The following CNTNAP3 variants were observed in gnomAD, a reference collection of about 807,000 sequenced individuals.
CNTNAP3 encodes the protein contactin associated protein family member 3, also known as contactin-associated protein-like 3.
CNTNAP3 carries 36 observed loss-of-function variants against 92.1 expected under a neutral mutation model. The ratio of observed to expected loss-of-function variants is 0.39; its 90% CI spans 0.30 to 0.52. The LOEUF (loss-of-function observed/expected upper bound fraction) is 0.52. Among genes scored for constraint, CNTNAP3 ranks in the 20% least tolerant of loss-of-function variants. CNTNAP3 has a pLI of 0.76. For synonymous variants in CNTNAP3, 232 were observed against 422.3 expected (o/e 0.55, Z 5.53); for missense variants, 534 against 1,069.6 (o/e 0.50, Z 6.98).
intron 13 of CNTNAP3, among the ~76,000 whole-genome samples, chr9:39,132,559 C>A (rs1821318333): frequency 6.6e-6 from 1 of 152,034 alleles, no homozygotes; most frequent in African/African-American, 2.4e-5. Context: ...AGACTTTGAC[C>A]AGAGTAAGGT....
chr9:39,128,412 T>A (rs1821199694), intron 13 of CNTNAP3, among the ~76,000 whole-genome samples: 1 of 150,850 alleles, frequency 6.6e-6, no homozygotes, highest in Non-Finnish European at 1.5e-5. Flanking sequence ...AAAATGGGAG[T>A]TGCTCTAGTT....
At position 39,272,822 on chromosome 9, in the gene CNTNAP3, T is replaced by C. The variant is rs1267763258; in HGVS notation, c.86-5816A>G. Among the ~76,000 whole-genome samples, 14 of 31,510 alleles carry C rather than the reference T, an allele frequency of 4.4e-4. 7 individuals carry two copies. The highest frequency in any genetic ancestry group is 1.4e-3 in the Non-Finnish European group (14 of 10,298). The allele number at this position is 31,510 out of a possible 152,430, so 20.7% of individuals were successfully genotyped here. A position where few individuals can be genotyped will look rare whatever the true frequency, so the allele number is the denominator to read the frequency against. On this transcript the variant is annotated intron_variant, in intron 1 of 23. Coordinates refer to ENST00000297668, the MANE Select transcript of CNTNAP3 (RefSeq NM_033655.5). ...GTGACTATAGTCAATAATTACTTAA[T>C]TGTACATTTTTAAATAACTTAAAGA...
At chr9:39,141,292 C>T (rs894382785) in intron 11 of CNTNAP3, among the ~76,000 whole-genome samples, 1 of 152,124 alleles carries the variant, frequency 6.6e-6, no homozygotes, top group Non-Finnish European at 1.5e-5. Flanking sequence ...GGTATTTTCC[C>T]ATAAGCATTC....
At chr9:39,079,066 G>T (rs1470066711) in intron 21 of CNTNAP3, 146 bp from the exon 22 acceptor site, 28 of 1,158,900 alleles carry the variant, frequency 2.4e-5, no homozygotes, top group Non-Finnish European at 3.4e-5. Context: ...TCCAGGAGAG[G>T]TCACCGTGAA....
chr9:39,104,326 A>G (rs887819191), intron 15 of CNTNAP3, among the ~76,000 whole-genome samples: 2 of 152,112 alleles, frequency 1.3e-5, no homozygotes, highest in African/African-American at 4.8e-5. Context: ...AAATAATTCT[A>G]AAGAGGCAGG....
chr9:39,142,671 C>CA (rs560924846), intron 11 of CNTNAP3, among the ~76,000 whole-genome samples: 4,674 of 102,540 alleles, frequency 0.046, 122 homozygotes, highest in African/African-American at 0.092. Flanking sequence ...GACTCCGTCT[C>CA]AAAAAAAAAA....
At position 39,132,957 on chromosome 9, in the gene CNTNAP3, C is replaced by T. The variant is rs767217792; in HGVS notation, c.2055G>A (p.Gly685=). Reference sequence around the variant, plus strand: ...CTCGTGAGTCCGGGCGCCGCGCCGTCCCGCAGCGCAGAGCCAGCCGCTGCT... The same window carrying T: ...CTCGTGAGTCCGGGCGCCGCGCCGTTCCGCAGCGCAGAGCCAGCCGCTGCT... ...RCEQRLALRC[G]TARRPDSRDG... The change falls in exon 13 of 24, where the codon GGG becomes GGA. Residue 685 remains glycine (G), a synonymous_variant. Transcript: ENST00000297668. 1.9e-5 allele frequency: 30 copies of T among 1,547,756 alleles called. No individual in the cohort carries two copies. The highest frequency in any genetic ancestry group is 7.0e-5 in the South Asian group (6 of 85,500).
chr9:39,116,148 T>C (rs1820854355), intron 14 of CNTNAP3, among the ~76,000 whole-genome samples: 1 of 150,288 alleles, frequency 6.7e-6, no homozygotes, highest in Non-Finnish European at 1.5e-5. Flanking sequence ...AGAGACTCTG[T>C]CTCAAAACAA....
intron 13 of CNTNAP3, among the ~76,000 whole-genome samples, chr9:39,130,467 T>G (rs1821253943): frequency 6.6e-6 from 1 of 150,986 alleles, no homozygotes; most frequent in South Asian, 2.1e-4. Flanking sequence ...AACATACTAG[T>G]GGTTATTAAC....
rs975045146 is a variant in CNTNAP3, at chr9:39,144,450, A to G, written c.1650-104T>C. 5.4e-6 allele frequency: 8 copies of G among 1,480,612 alleles called. No homozygotes were observed. The African/African-American group carries it at 1.1e-4, about 21-fold the overall frequency. 91.7% of individuals were successfully genotyped at this position (1,480,612 alleles called of 1,614,324 possible). A position where few individuals can be genotyped will look rare whatever the true frequency, so the allele number is the denominator to read the frequency against. On this transcript the variant is annotated intron_variant, in intron 10 of 23. Transcript: ENST00000297668. Reference sequence around the variant, plus strand: ...CAAAAACAGGTTAATGTGAAAGAGCAGCATATGCAAGATAACCCCACATGA... The same window carrying G: ...CAAAAACAGGTTAATGTGAAAGAGCGGCATATGCAAGATAACCCCACATGA...
chr9:39,067,090 A>G lies in CNTNAP3; in HGVS notation c.*6800T>C, dbSNP rs1465086088. Among the ~76,000 whole-genome samples, 2 of 152,288 alleles carry G rather than the reference A, an allele frequency of 1.3e-5. No individual in the cohort carries two copies. Among genetic ancestry groups the G allele is most frequent in the Non-Finnish European group, 2.9e-5 (2 of 68,052 alleles). On this transcript the variant is annotated 3_prime_UTR_variant, in exon 24 of 24. Transcript: ENST00000297668. ...TTTTGGATGCTTTCTACTGCTATAT[A>G]TATTCAAGTTTATTAATATTTTCTT...
chr9:39,114,029 C>T (rs1224684799), intron 14 of CNTNAP3, among the ~76,000 whole-genome samples: 41 of 133,704 alleles, frequency 3.1e-4, no homozygotes, highest in Admixed American at 1.0e-3. Flanking sequence ...TATATACACA[C>T]ATATATACAC....
chr9:39,076,412 A>G (rs1825765246), intron 23 of CNTNAP3, among the ~76,000 whole-genome samples: 1 of 152,306 alleles, frequency 6.6e-6, no homozygotes, highest in African/African-American at 2.4e-5. Flanking sequence ...CACCTTTTAG[A>G]TATGCATTAT....
intron 17 of CNTNAP3, among the ~76,000 whole-genome samples, chr9:39,100,895 A>G (rs1244354338): frequency 1.3e-5 from 2 of 150,142 alleles, no homozygotes; most frequent in Non-Finnish European, 3.0e-5. Context: ...AGTTTCTGGA[A>G]AATGCAGTTT....
chr9:39,104,477 T>TACACACACACACACACACAC (rs60068368), intron 15 of CNTNAP3, among the ~76,000 whole-genome samples: 31 of 123,180 alleles, frequency 2.5e-4, no homozygotes, highest in Non-Finnish European at 4.1e-4. Flanking sequence ...CACATACACA[T>TACACACACACACACACACAC]ACACACACAC....
chr9:39,114,367 G>A (rs975256075), intron 14 of CNTNAP3, among the ~76,000 whole-genome samples: 6 of 152,122 alleles, frequency 3.9e-5, no homozygotes, highest in African/African-American at 1.4e-4. Context: ...TTACAGGCGT[G>A]AGCCATGGCG....
At chr9:39,131,891 G>GA (rs1686811689) in intron 13 of CNTNAP3, among the ~76,000 whole-genome samples, 1 of 150,512 alleles carries the variant, frequency 6.6e-6, no homozygotes, top group African/African-American at 2.5e-5. Flanking sequence ...AGGCAATGCA[G>GA]GTATGGGTTA....
At chr9:39,149,729 C>A (rs1402772526) in intron 10 of CNTNAP3, 77 bp downstream of exon 10, 64 of 758,358 alleles carry the variant, frequency 8.4e-5, no homozygotes, top group South Asian at 1.9e-5. Context: ...GAACGGAATG[C>A]CTTTTTCCAG....
intron 14 of CNTNAP3, among the ~76,000 whole-genome samples, chr9:39,113,037 C>T (rs534820641): frequency 1.3e-3 from 198 of 152,152 alleles, no homozygotes; most frequent in African/African-American, 4.4e-3. Flanking sequence ...TCAACAGCAG[C>T]GTTACTGATA....
Sources: gnomAD v4.1 joint callset for allele counts (sites outside exome capture counted in the v4.1 genomes callset) on GRCh38, gnomAD v4.1.1 for gene constraint, MANE v1.5 for transcripts, NCBI Gene and HGNC (gene_info 2026-07-23, HGNC 2026-07-21) for gene names.